The following TRAPPC9 variants were observed in gnomAD, a reference collection of about 807,000 sequenced individuals.
TRAPPC9 encodes IKK2 binding protein.
TRAPPC9 carries 83 observed loss-of-function variants against 124.0 expected under a neutral mutation model. The ratio of observed to expected loss-of-function variants is 0.67; its 90% CI spans 0.56 to 0.80. TRAPPC9 has a LOEUF of 0.80. Among genes scored for constraint, TRAPPC9 ranks in the 30% least tolerant of loss-of-function variants. The probability of loss-of-function intolerance (pLI) is 0.00; values close to 1 mark genes in which losing one functional copy is unlikely to be tolerated. For synonymous variants in TRAPPC9, 638 were observed against 617.5 expected (o/e 1.03, Z -0.49); for missense variants, 1,302 against 1,508.3 (o/e 0.86, Z 2.27).
chr8:140,081,346 C>CTTTT lies in TRAPPC9; in HGVS notation c.2557-57271_2557-57268dup, dbSNP rs1554620187. On this transcript the variant is annotated intron_variant, in intron 17 of 22. Transcript: ENST00000438773. ...GTCAAGGTGAAGAATAAAATGAATGCTTTTTTTTTTTTTTTTTGAGACAGA... is the reference window on the plus strand; with the variant it reads ...GTCAAGGTGAAGAATAAAATGAATGCTTTTTTTTTTTTTTTTTTTTTGAGACAGA... Among the ~76,000 whole-genome samples, 21 of 141,048 alleles carry CTTTT rather than the reference C, an allele frequency of 1.5e-4. 1 individual carries two copies. The highest frequency in any genetic ancestry group is 2.3e-4 in the South Asian group (1 of 4,434). 92.5% of individuals were successfully genotyped at this position (141,048 alleles called of 152,430 possible).
intron 16 of TRAPPC9, among the ~76,000 whole-genome samples, chr8:140,245,802 T>C (rs1052100375): frequency 6.6e-6 from 1 of 152,208 alleles, no homozygotes; most frequent in Non-Finnish European, 1.5e-5. Flanking sequence ...TCTGGGACAC[T>C]GCTAATTCAC....
chr8:140,290,924 A>T, intron 12 of TRAPPC9, 69 bp downstream of exon 12: 1 of 1,274,852 alleles, frequency 7.8e-7, no homozygotes, highest in Non-Finnish European at 1.1e-6. Flanking sequence ...CTCAGACATT[A>T]AGTAAAACCT....
At chr8:140,282,030 G>C (rs2065338847) in intron 14 of TRAPPC9, among the ~76,000 whole-genome samples, 2 of 152,182 alleles carry the variant, frequency 1.3e-5, no homozygotes, top group African/African-American at 4.8e-5. Context: ...CTTCCCGTGA[G>C]GACAGAGACC....
chr8:140,326,825 G>A (rs1197436298), intron 9 of TRAPPC9, among the ~76,000 whole-genome samples: 1 of 152,206 alleles, frequency 6.6e-6, no homozygotes, highest in African/African-American at 2.4e-5. Context: ...AGGCTGCAGT[G>A]AGTCCTGATT....
At chr8:140,173,503 G>A (rs1193863236) in intron 17 of TRAPPC9, among the ~76,000 whole-genome samples, 5 of 146,148 alleles carry the variant, frequency 3.4e-5, no homozygotes, top group African/African-American at 7.7e-5. Flanking sequence ...GCAGTGAGCC[G>A]AGATCGCACC....
intron 17 of TRAPPC9, among the ~76,000 whole-genome samples, chr8:140,173,334 C>A (rs1219037504): frequency 6.6e-6 from 1 of 152,122 alleles, no homozygotes; most frequent in African/African-American, 2.4e-5. Flanking sequence ...GCAGGAGGAT[C>A]ACGAGGTCAG....
chr8:140,282,428 G>C (rs758623801), intron 14 of TRAPPC9, among the ~76,000 whole-genome samples: 2 of 151,876 alleles, frequency 1.3e-5, no homozygotes, highest in East Asian at 3.9e-4. Flanking sequence ...GCTTGAACCC[G>C]GGAGGTGAAG....
chr8:140,118,034 G>A (rs2060922168), intron 17 of TRAPPC9, among the ~76,000 whole-genome samples: 1 of 152,198 alleles, frequency 6.6e-6, no homozygotes, highest in South Asian at 2.1e-4. Context: ...CTAATTTAGA[G>A]CTTACAAAGT....
intron 19 of TRAPPC9, among the ~76,000 whole-genome samples, chr8:139,940,951 C>T (rs1204677902): frequency 6.6e-6 from 1 of 152,200 alleles, no homozygotes; most frequent in Non-Finnish European, 1.5e-5. Context: ...TAGTAAAGTG[C>T]ATAAGCCGGG....
chr8:140,410,053 AC>A (rs1418826656), intron 5 of TRAPPC9, among the ~76,000 whole-genome samples: 1 of 147,344 alleles, frequency 6.8e-6, no homozygotes, highest in African/African-American at 2.5e-5. Context: ...AGGCAGGAGG[AC>A]TGCTTGAGCC....
intron 21 of TRAPPC9, among the ~76,000 whole-genome samples, chr8:139,816,825 A>G (rs1224884779): frequency 6.6e-6 from 1 of 151,576 alleles, no homozygotes; most frequent in Middle Eastern, 3.4e-3. Context: ...GTGACTTCCC[A>G]CCTCCTTCCA....
At chr8:140,084,181 T>C (rs1200619016) in intron 17 of TRAPPC9, among the ~76,000 whole-genome samples, 5 of 152,216 alleles carry the variant, frequency 3.3e-5, no homozygotes, top group Non-Finnish European at 7.3e-5. Flanking sequence ...TGATTGAGGC[T>C]GGGCAGTGGA....
intron 9 of TRAPPC9, among the ~76,000 whole-genome samples, chr8:140,349,236 G>T (rs1348003318): frequency 2.0e-5 from 2 of 100,604 alleles, no homozygotes; most frequent in East Asian, 4.9e-4. Flanking sequence ...GGCCGAAGGG[G>T]GCACACGACG....
intron 17 of TRAPPC9, among the ~76,000 whole-genome samples, chr8:140,112,397 G>A (rs1277971227): frequency 6.6e-6 from 1 of 151,780 alleles, no homozygotes; most frequent in Non-Finnish European, 1.5e-5. Flanking sequence ...ACAGGTGTGA[G>A]GAGAGTAATG....
intron 21 of TRAPPC9, among the ~76,000 whole-genome samples, chr8:139,782,572 AATCT>A (rs1325656781): frequency 1.3e-5 from 2 of 152,236 alleles, no homozygotes; most frequent in Admixed American, 1.3e-4. Flanking sequence ...CGTTAAGTAA[AATCT>A]AATGGAGCTG....
At chr8:140,448,529 A>G (rs997189994) in intron 2 of TRAPPC9, among the ~76,000 whole-genome samples, 1 of 152,248 alleles carries the variant, frequency 6.6e-6, no homozygotes, top group African/African-American at 2.4e-5. Context: ...CAAGAAGTGG[A>G]TGACTGAAAA....
At chr8:140,103,100 G>A (rs1437011502) in intron 17 of TRAPPC9, among the ~76,000 whole-genome samples, 3 of 152,172 alleles carry the variant, frequency 2.0e-5, no homozygotes, top group South Asian at 4.1e-4. Flanking sequence ...CAGCACAGAC[G>A]AGAGGACCGA....
chr8:139,931,634 C>T (rs1833148215), intron 19 of TRAPPC9: 1 of 152,546 alleles, frequency 6.6e-6, no homozygotes, highest in South Asian at 2.1e-4. Flanking sequence ...ACGGGGCTAT[C>T]AACTTGAGCT....
At chr8:140,397,530 C>G in intron 7 of TRAPPC9, 90 bp downstream of exon 7, 1 of 1,487,952 alleles carries the variant, frequency 6.7e-7, no homozygotes, top group South Asian at 1.1e-5. Flanking sequence ...CATGCTGAAC[C>G]TCAGCAAAAC....
Sources: gnomAD v4.1 joint callset for allele counts (sites outside exome capture counted in the v4.1 genomes callset) on GRCh38, gnomAD v4.1.1 for gene constraint, MANE v1.5 for transcripts, NCBI Gene and HGNC (gene_info 2026-07-23, HGNC 2026-07-21) for gene names.